SNED1: variants seen among roughly 807,000 people sequenced by gnomAD.
SNED1 encodes sushi, nidogen and EGF-like domain-containing protein 1.
A neutral mutation model predicts 166.7 loss-of-function variants in SNED1; 81 were observed. That is an observed-to-expected ratio of 0.49 (90% confidence interval 0.41 to 0.58). SNED1 has a LOEUF of 0.58. SNED1 is among the 20% of genes least tolerant of loss of function. The pLI is 0.00. For synonymous variants in SNED1, 762 were observed against 822.0 expected (o/e 0.93, Z 1.25); for missense variants, 1,604 against 2,000.2 (o/e 0.80, Z 3.78).
At chr2:241,026,663 T>C (rs940605358) in intron 1 of SNED1, among the ~76,000 whole-genome samples, 3 of 152,264 alleles carry the variant, frequency 2.0e-5, no homozygotes, top group Non-Finnish European at 2.9e-5. Context: ...TTCTTTAAAA[T>C]GTCTTTTGAT....
chr2:241,059,337 A>G (rs900100088), intron 16 of SNED1, among the ~76,000 whole-genome samples: 2 of 152,252 alleles, frequency 1.3e-5, no homozygotes, highest in African/African-American at 4.8e-5. Context: ...AACTTTGTAC[A>G]ACCTCTTTTA....
intron 1 of SNED1, among the ~76,000 whole-genome samples, chr2:241,020,210 CCA>C (rs2124903654): frequency 6.6e-6 from 1 of 152,370 alleles, no homozygotes; most frequent in African/African-American, 2.4e-5. Flanking sequence ...CTTGGGCAGA[CCA>C]CACCATTTGC....
At position 241,071,701 on chromosome 2, in the gene SNED1, A is replaced by AAC; in HGVS notation, c.3715_3716insAC (p.Thr1239AsnfsTer19). On this transcript the variant is annotated frameshift_variant, in exon 25 of 32. Transcript: ENST00000310397. LOFTEE classifies it high-confidence loss of function. ...GCTCAATGACCACAGCGCCCCCGAG[A>AAC]CCCCCACCCAGCCCCCCAGGTACAT... is the stretch of plus-strand genomic sequence containing the variant. 7.8e-7 allele frequency: 1 copy of AAC among 1,281,782 alleles called. No individual in the cohort carries two copies. Among genetic ancestry groups the AAC allele is most frequent in the Non-Finnish European group, 1.1e-6 (1 of 928,624 alleles). 79.4% of individuals were successfully genotyped at this position (1,281,782 alleles called of 1,614,324 possible).
chr2:241,088,573 C>T, intron 31 of SNED1, 171 bp downstream of exon 31: 1 of 615,142 alleles, frequency 1.6e-6, no homozygotes, highest in Non-Finnish European at 2.9e-6. Context: ...TTCAGAAGTC[C>T]CCAAGGGGAA....
chr2:241,000,376 G>A (rs1451375446), intron 1 of SNED1, among the ~76,000 whole-genome samples: 1 of 152,226 alleles, frequency 6.6e-6, no homozygotes. Context: ...CATGCTGTCG[G>A]TGCTACCCCC....
intron 27 of SNED1, chr2:241,074,739 A>G (rs1324526741): frequency 6.6e-6 from 1 of 152,202 alleles, no homozygotes; most frequent in Non-Finnish European, 1.5e-5. Flanking sequence ...TCTTTGGTTC[A>G]TGTTGCACTC....
intron 1 of SNED1, among the ~76,000 whole-genome samples, chr2:241,006,581 C>G (rs1212284065): frequency 6.6e-6 from 1 of 152,148 alleles, no homozygotes; most frequent in Non-Finnish European, 1.5e-5. Flanking sequence ...AAACCTGTGG[C>G]TTTGTGTTAG....
At chr2:241,011,076 G>GGGTCTCCTGGGTCTCCTGGGGGTGGCA (rs1161744479) in intron 1 of SNED1, among the ~76,000 whole-genome samples, 2 of 147,514 alleles carry the variant, frequency 1.4e-5, no homozygotes, top group South Asian at 2.1e-4. Context: ...CAGGTCTCCT[G>GGGTCTCCTGGGTCTCCTGGGGGTGGCA]GGTCTCCTGG....
At position 241,064,311 on chromosome 2, in the gene SNED1, C is replaced by A. The variant is rs1051687286; in HGVS notation, c.2599+186C>A. Among the ~76,000 whole-genome samples, 3 of 152,032 alleles carry A rather than the reference C, an allele frequency of 2.0e-5. No individual in the cohort carries two copies. The highest frequency in any genetic ancestry group is 6.5e-5 in the Admixed American group (1 of 15,280). On this transcript the variant is annotated intron_variant, in intron 19 of 31. Transcript: ENST00000310397. The surrounding 1 kb of genome is among the most constrained non-coding windows in gnomAD (Gnocchi z 7.0). ...CCTCCGCCTGTCTCCCTTGGTCCCA[C>A]AATGGTGCCTTCTAAACCTCCCCAT...
intron 16 of SNED1, among the ~76,000 whole-genome samples, chr2:241,057,953 A>G (rs2062112016): frequency 2.0e-5 from 3 of 152,214 alleles, no homozygotes; most frequent in African/African-American, 4.8e-5. Flanking sequence ...CATGGCAAAT[A>G]TTAAGATTGG....
intron 1 of SNED1, among the ~76,000 whole-genome samples, chr2:241,026,009 C>CTTTTTTTTTTTTTTTTTTTTTTTTT (rs71404676): frequency 4.1e-5 from 3 of 73,574 alleles, no homozygotes; most frequent in Admixed American, 2.5e-4. Context: ...TTTTCTTTTC[C>CTTTTTTTTTTTTTTTTTTTTTTTTT]TTTTTTTTTT....
Position 241,058,200 on chromosome 2 carries a change from G to T in SNED1, c.2258-4591G>T, listed in dbSNP as rs114248776. ...GAAAAGCATCATTAAGAATGAGAGG[G>T]TGTCTCTCAATGATAATTGGTTCCG... On this transcript the variant is annotated intron_variant, in intron 16 of 31. Coordinates refer to ENST00000310397, the MANE Select transcript of SNED1 (RefSeq NM_001080437.3). 2.6e-3 allele frequency among the ~76,000 whole-genome samples: 398 copies of T among 152,198 alleles called. 4 individuals are homozygous for T. Among genetic ancestry groups the T allele is most frequent in the African/African-American group, 9.1e-3 (377 of 41,532 alleles).
chr2:241,015,927 T>C (rs577907933), intron 1 of SNED1: 3 of 152,390 alleles, frequency 2.0e-5, no homozygotes, highest in African/African-American at 7.2e-5. Context: ...CTCCTTGTAT[T>C]CCCAGCGTTT....
chr2:241,030,044 C>T (rs989315323), intron 1 of SNED1, among the ~76,000 whole-genome samples: 3 of 152,238 alleles, frequency 2.0e-5, no homozygotes, highest in African/African-American at 4.8e-5. Context: ...CACAGGGCAT[C>T]GGGTACTGCA....
intron 27 of SNED1, among the ~76,000 whole-genome samples, chr2:241,076,279 GTC>G (rs1205790651): frequency 6.6e-6 from 1 of 152,182 alleles, no homozygotes; most frequent in Non-Finnish European, 1.5e-5. Flanking sequence ...GACATGGGAT[GTC>G]TCTCCATATA....
intron 16 of SNED1, 111 bp from the exon 17 acceptor site, chr2:241,062,680 A>G (rs2062279287): frequency 1.3e-6 from 1 of 765,336 alleles, no homozygotes; most frequent in Admixed American, 2.0e-5. Flanking sequence ...CTTTCCAACC[A>G]CTGATGATGT....
intron 1 of SNED1, among the ~76,000 whole-genome samples, chr2:241,023,919 T>A (rs1299083802): frequency 1.7e-5 from 2 of 117,032 alleles, no homozygotes; most frequent in Admixed American, 1.1e-4. Flanking sequence ...AGACAGAGAC[T>A]TGCTCTGTGG....
intron 31 of SNED1, chr2:241,090,582 A>G: frequency 4.0e-6 from 4 of 1,003,920 alleles, no homozygotes; most frequent in East Asian, 2.8e-5. Flanking sequence ...GTTTGTATAC[A>G]CCAGCATCAC....
chr2:241,007,493 C>T (rs569723439), intron 1 of SNED1, among the ~76,000 whole-genome samples: 5 of 152,276 alleles, frequency 3.3e-5, no homozygotes, highest in African/African-American at 4.8e-5. Context: ...CTGTTTTGTT[C>T]GCTGTGCTGT....
Sources: gnomAD v4.1 joint callset for allele counts (sites outside exome capture counted in the v4.1 genomes callset) on GRCh38, gnomAD v4.1.1 for gene constraint, Gnocchi (gnomAD v3.1) non-coding constraint, MANE v1.5 for transcripts, NCBI Gene and HGNC (gene_info 2026-07-23, HGNC 2026-07-21) for gene names.